Variants in ASIC2 observed in about 807,000 individuals in gnomAD.
The protein encoded by ASIC2 is acid sensing ion channel subunit 2.
ASIC2 carries 25 observed loss-of-function variants against 57.3 expected under a neutral mutation model. The observed-to-expected ratio is 0.44, with a 90% CI of 0.32 to 0.61. The LOEUF (loss-of-function observed/expected upper bound fraction) is 0.61, where lower values mean the gene tolerates loss of function less well. Among genes scored for constraint, ASIC2 ranks in the 20% least tolerant of loss-of-function variants. The probability of loss-of-function intolerance (pLI) is 0.06; values close to 1 mark genes in which losing one functional copy is unlikely to be tolerated. For missense variants in ASIC2, 641 were observed against 738.1 expected (o/e 0.87, Z 1.52); for synonymous variants, 319 against 307.5 (o/e 1.04, Z -0.39).
At chr17:33,787,078 T>TGG (rs1001201709) in intron 1 of ASIC2, among the ~76,000 whole-genome samples, 1 of 152,176 alleles carries the variant, frequency 6.6e-6, no homozygotes, top group Non-Finnish European at 1.5e-5. Context: ...AAAGTACTTG[T>TGG]GGGGAGTCCA....
intron 1 of ASIC2, among the ~76,000 whole-genome samples, chr17:33,576,456 ATCTT>A (rs907346778): frequency 2.6e-5 from 4 of 152,198 alleles, no homozygotes; most frequent in East Asian, 1.9e-4. Context: ...CAAGGTCTGC[ATCTT>A]TCTTTTTCAT....
At chr17:33,842,980 C>G (rs995000340) in intron 1 of ASIC2, among the ~76,000 whole-genome samples, 59 of 152,240 alleles carry the variant, frequency 3.9e-4, no homozygotes, top group African/African-American at 1.3e-3. Context: ...ACTGAGCTCC[C>G]CAGCTATGGA....
intron 3 of ASIC2, among the ~76,000 whole-genome samples, chr17:33,072,102 G>A (rs1004155826): frequency 5.3e-5 from 8 of 151,994 alleles, no homozygotes; most frequent in South Asian, 4.2e-4. Context: ...TGGTTGTCTC[G>A]GTCTTTCTGG....
At chr17:33,421,486 G>A (rs541951228) in intron 1 of ASIC2, among the ~76,000 whole-genome samples, 14 of 152,336 alleles carry the variant, frequency 9.2e-5, no homozygotes, top group East Asian at 5.8e-4. Flanking sequence ...ACCTTCCAGC[G>A]TGACAGTCTT....
At chr17:33,817,604 A>C (rs1232654584) in intron 1 of ASIC2, among the ~76,000 whole-genome samples, 1 of 151,806 alleles carries the variant, frequency 6.6e-6, no homozygotes, top group African/African-American at 2.4e-5. Context: ...GGTTTGTATA[A>C]CCTCCCTGAG....
At chr17:34,104,009 G>C (rs1005754357) in intron 1 of ASIC2, among the ~76,000 whole-genome samples, 2 of 152,018 alleles carry the variant, frequency 1.3e-5, no homozygotes, top group Admixed American at 1.3e-4. Flanking sequence ...ATGGAGTTTT[G>C]ATTTGAATCA....
In ASIC2 at chr17:33,293,026, C is replaced by A. The variant is rs1350079341; in HGVS notation, c.-911G>T. On this transcript the variant is annotated 5_prime_UTR_variant, in exon 1 of 10. Transcript: ENST00000225823. ...AGAAAAGCCCAGCCTTGCTGTCTCTCGCGTCTTCTCTCTGCCCCCGCGGCG... is the reference window on the plus strand; with the variant it reads ...AGAAAAGCCCAGCCTTGCTGTCTCTAGCGTCTTCTCTCTGCCCCCGCGGCG... 1.0e-6 allele frequency: 1 copy of A among 985,588 alleles called. No homozygotes were observed. Among genetic ancestry groups the A allele is most frequent in the Non-Finnish European group, 1.2e-6 (1 of 830,034 alleles). 61.1% of individuals were successfully genotyped at this position (985,588 alleles called of 1,614,324 possible). A position where few individuals can be genotyped will look rare whatever the true frequency, so the allele number is the denominator to read the frequency against.
chr17:33,771,176 C>T lies in ASIC2; in HGVS notation c.555+384802G>A, dbSNP rs139333254. 1.4e-3 allele frequency among the ~76,000 whole-genome samples: 207 copies of T among 152,164 alleles called. 1 individual carries two copies. In the Middle Eastern group the frequency reaches 0.02, roughly 15 times the overall value. ...TTATAATGGCAACAGCCCCTTAGCTCGTTCTGGTGTGTTCTGGGTGGATGT... is the reference window on the plus strand; with the variant it reads ...TTATAATGGCAACAGCCCCTTAGCTTGTTCTGGTGTGTTCTGGGTGGATGT... On this transcript the variant is annotated intron_variant, in intron 1 of 9. Coordinates refer to the ASIC2 transcript ENST00000359872.
chr17:33,959,253 G>A (rs530497968), intron 1 of ASIC2, among the ~76,000 whole-genome samples: 22 of 152,236 alleles, frequency 1.4e-4, no homozygotes, highest in African/African-American at 5.1e-4. Flanking sequence ...TTCAACCTCT[G>A]CCTGTTACTC....
intron 1 of ASIC2, among the ~76,000 whole-genome samples, chr17:33,396,470 G>A (rs578090448): frequency 2.6e-5 from 4 of 152,158 alleles, no homozygotes; most frequent in Non-Finnish European, 4.4e-5. Flanking sequence ...TTATTTTACC[G>A]ATGTGGGAAA....
At chr17:34,069,747 G>C (rs1408743231) in intron 1 of ASIC2, 1 of 152,220 alleles carries the variant, frequency 6.6e-6, no homozygotes. Context: ...TGGTCATCTG[G>C]GGTGGTAGTG....
At chr17:33,563,391 A>G (rs1916136376) in intron 1 of ASIC2, among the ~76,000 whole-genome samples, 1 of 152,184 alleles carries the variant, frequency 6.6e-6, no homozygotes, top group Non-Finnish European at 1.5e-5. Flanking sequence ...TAAACCGGGA[A>G]TTAAATCCAC....
chr17:34,075,219 T>C (rs965108626), intron 1 of ASIC2, among the ~76,000 whole-genome samples: 1 of 152,212 alleles, frequency 6.6e-6, no homozygotes, highest in Non-Finnish European at 1.5e-5. Flanking sequence ...GGCATCCAGC[T>C]GATTGAAACT....
At chr17:33,631,651 T>A (rs1567674500) in intron 1 of ASIC2, among the ~76,000 whole-genome samples, 1 of 152,066 alleles carries the variant, frequency 6.6e-6, no homozygotes, top group Admixed American at 6.5e-5. Context: ...AGACAGAAGT[T>A]AAAGGCATTG....
rs572279277 is a variant in ASIC2 at position 33,968,037 on chromosome 17, C to T, written c.555+187941G>A. ...TTTACAGATGTGAAAACCAAGGCCA[C>T]ACAACTAATGAGCCCAAGACTCTTG... On this transcript the variant is annotated intron_variant, in intron 1 of 9. Transcript: ENST00000359872. Among the ~76,000 whole-genome samples, 4 of 152,314 alleles carry T rather than the reference C, an allele frequency of 2.6e-5. No individual in the cohort carries two copies. The South Asian group carries it at 6.2e-4, about 24-fold the overall frequency.
chr17:33,668,669 AGG>A (rs1442656442), intron 1 of ASIC2, among the ~76,000 whole-genome samples: 1 of 152,226 alleles, frequency 6.6e-6, no homozygotes, highest in Non-Finnish European at 1.5e-5. Flanking sequence ...TCCCAGGATC[AGG>A]GCATGGATAT....
intron 3 of ASIC2, among the ~76,000 whole-genome samples, chr17:33,061,743 G>C (rs1255626698): frequency 6.6e-6 from 1 of 152,168 alleles, no homozygotes. Context: ...AATGGTACCA[G>C]CTCCTCCTTG....
intron 1 of ASIC2, among the ~76,000 whole-genome samples, chr17:34,040,414 G>GT (rs1161069949): frequency 3.5e-4 from 50 of 144,076 alleles, no homozygotes; most frequent in African/African-American, 1.3e-3. Context: ...GGTCCTGGGG[G>GT]GTGGGGGAAG....
intron 1 of ASIC2, among the ~76,000 whole-genome samples, chr17:33,888,161 T>G (rs187118216): frequency 2.6e-5 from 4 of 152,300 alleles, no homozygotes. Context: ...TATCTATACA[T>G]ACATGTAATG....
Sources: allele counts gnomAD v4.1 joint callset (sites outside exome capture counted in the v4.1 genomes callset), GRCh38; gene constraint gnomAD v4.1.1; transcripts MANE v1.5; gene names NCBI Gene and HGNC (gene_info 2026-07-23, HGNC 2026-07-21).